IL1RAP: variants seen among roughly 807,000 people sequenced by gnomAD.
IL1RAP encodes interleukin-1 receptor accessory protein.
IL1RAP carries 35 observed loss-of-function variants against 60.7 expected under a neutral mutation model. The observed-to-expected ratio is 0.58, with a 90% CI of 0.44 to 0.76. IL1RAP has a LOEUF of 0.76. Among genes scored for constraint, IL1RAP ranks in the 30% least tolerant of loss-of-function variants. IL1RAP has a pLI of 0.00. For synonymous variants in IL1RAP, 268 were observed against 250.9 expected (o/e 1.07, Z -0.64); for missense variants, 572 against 693.9 (o/e 0.82, Z 1.97).
chr3:190,597,192 C>G (rs896589758), intron 3 of IL1RAP, among the ~76,000 whole-genome samples: 1 of 152,060 alleles, frequency 6.6e-6, no homozygotes, highest in Non-Finnish European at 1.5e-5. Flanking sequence ...ACATATTAAG[C>G]CGATGGATTG....
chr3:190,579,703 G>A (rs1350796606), intron 3 of IL1RAP, among the ~76,000 whole-genome samples: 1 of 152,000 alleles, frequency 6.6e-6, no homozygotes, highest in Non-Finnish European at 1.5e-5. Flanking sequence ...ACCCCAAAAC[G>A]AAGCCCTGAG....
chr3:190,594,686 G>A (rs1237137323), intron 3 of IL1RAP, among the ~76,000 whole-genome samples: 4 of 152,184 alleles, frequency 2.6e-5, no homozygotes, highest in Non-Finnish European at 5.9e-5. Context: ...CACTCTATTG[G>A]GAAGGGGCGT....
chr3:190,568,207 G>A (rs917813775), intron 3 of IL1RAP, among the ~76,000 whole-genome samples: 1 of 152,108 alleles, frequency 6.6e-6, no homozygotes, highest in African/African-American at 2.4e-5. Flanking sequence ...GTGCAGGGCT[G>A]GATTTCACAC....
chr3:190,627,518 C>G lies in IL1RAP; in HGVS notation c.902+69C>G. 4 of 1,477,968 alleles carry G rather than the reference C, an allele frequency of 2.7e-6. No individual in the cohort carries two copies. In the South Asian group the frequency reaches 4.3e-5, roughly 16 times the overall value. 91.6% of individuals were successfully genotyped at this position (1,477,968 alleles called of 1,614,324 possible). A position where few individuals can be genotyped will look rare whatever the true frequency, so the allele number is the denominator to read the frequency against. The stretch of plus-strand genomic sequence containing the variant: ...AACTTAATGATCTCTGATGTGTGTT[C>G]TAGTCAATGAAAATAAAAATTCTCA... On this transcript the variant is annotated intron_variant, in intron 8 of 11. Coordinates refer to ENST00000447382, the MANE Select transcript of IL1RAP (RefSeq NM_002182.4).
chr3:190,591,081 A>G (rs1338748513), intron 3 of IL1RAP, among the ~76,000 whole-genome samples: 6 of 152,208 alleles, frequency 3.9e-5, no homozygotes. Context: ...GTCACAGGTG[A>G]ATCTCCAGAG....
intron 5 of IL1RAP, among the ~76,000 whole-genome samples, chr3:190,614,386 C>T (rs966261191): frequency 4.6e-5 from 7 of 151,896 alleles, no homozygotes; most frequent in Non-Finnish European, 7.4e-5. Context: ...CACACGGCAG[C>T]GTGCTGTGTG....
At chr3:190,559,883 T>C (rs1273093968) in intron 2 of IL1RAP, among the ~76,000 whole-genome samples, 1 of 152,224 alleles carries the variant, frequency 6.6e-6, no homozygotes, top group Non-Finnish European at 1.5e-5. Context: ...GCCCGCGTTT[T>C]ATAACTGCAA....
At chr3:190,646,848 A>C (rs1734050315) in intron 11 of IL1RAP, among the ~76,000 whole-genome samples, 1 of 152,228 alleles carries the variant, frequency 6.6e-6, no homozygotes, top group Admixed American at 6.5e-5. Flanking sequence ...ATCAACCAAA[A>C]GTCCATCATA....
intron 4 of IL1RAP, among the ~76,000 whole-genome samples, chr3:190,607,573 C>G (rs1240207848): frequency 6.6e-6 from 1 of 150,516 alleles, no homozygotes; most frequent in Non-Finnish European, 1.5e-5. Context: ...AATGACAGAT[C>G]AAATTTAGAT....
At chr3:190,577,282 T>G (rs111544668) in intron 3 of IL1RAP, among the ~76,000 whole-genome samples, 1 of 152,162 alleles carries the variant, frequency 6.6e-6, no homozygotes, top group African/African-American at 2.4e-5. Flanking sequence ...AGAACTAGTG[T>G]GAAACCTTTA....
Position 190,629,454 on chromosome 3 carries a change from G to A in IL1RAP, c.1007G>A (p.Ser336Asn), listed in dbSNP as rs139016934. Reference protein sequence around the residue: ...LKRSYVCHARSAKGEVAKAAK... With the variant: ...LKRSYVCHARNAKGEVAKAAK... Reference sequence around the variant, plus strand: ...CGCAGCTATGTCTGTCATGCTAGAAGTGCCAAAGGCGAAGTTGCCAAAGCA... The same window carrying A: ...CGCAGCTATGTCTGTCATGCTAGAAATGCCAAAGGCGAAGTTGCCAAAGCA... The change falls in exon 9 of 12, where the codon AGT becomes AAT. Residue 336 changes from serine to asparagine, a missense_variant. Transcript: ENST00000447382. 6.2e-7 allele frequency: 1 copy of A among 1,613,668 alleles called. No individual in the cohort carries two copies. The highest frequency in any genetic ancestry group is 1.3e-5 in the African/African-American group (1 of 75,032).
Position 190,649,581 on chromosome 3 carries a change from G to A in IL1RAP, c.*876G>A, listed in dbSNP as rs1734270741. The A allele has an allele frequency of 1.0e-6, 1 of 985,666 alleles. No homozygotes were observed. 61.1% of individuals were successfully genotyped at this position (985,666 alleles called of 1,614,324 possible). On this transcript the variant is annotated 3_prime_UTR_variant, in exon 12 of 12. Coordinates refer to ENST00000447382, the MANE Select transcript of IL1RAP (RefSeq NM_002182.4). Reference sequence around the variant, plus strand: ...GGCATTTTTCTGACTCATGAAAAGAGCACAGAAAAGGATGTTTGGCAATTT... The same window carrying A: ...GGCATTTTTCTGACTCATGAAAAGAACACAGAAAAGGATGTTTGGCAATTT...
intron 3 of IL1RAP, among the ~76,000 whole-genome samples, chr3:190,590,502 G>A (rs1015981492): frequency 2.0e-5 from 3 of 152,038 alleles, no homozygotes; most frequent in Non-Finnish European, 4.4e-5. Context: ...CAATCTGCCC[G>A]CCTCGGCCTC....
chr3:190,523,085 CTTTG>C (rs1452854440), intron 1 of IL1RAP, among the ~76,000 whole-genome samples: 2 of 152,158 alleles, frequency 1.3e-5, no homozygotes, highest in Non-Finnish European at 2.9e-5. Context: ...CCTTGCATGA[CTTTG>C]TTTAACTTAC....
At chr3:190,641,676 T>A (rs1483445569) in intron 9 of IL1RAP, among the ~76,000 whole-genome samples, 2 of 152,210 alleles carry the variant, frequency 1.3e-5, no homozygotes, top group Non-Finnish European at 2.9e-5. Context: ...AGGCTCTCTA[T>A]TGGCATTTAA....
chr3:190,631,820 GAC>G (rs1242191170), intron 9 of IL1RAP, among the ~76,000 whole-genome samples: 7 of 151,934 alleles, frequency 4.6e-5, no homozygotes, highest in African/African-American at 1.2e-4. Context: ...TTATTTTTGA[GAC>G]ACAGTTTTAC....
At position 190,609,119 on chromosome 3, in the gene IL1RAP, A is replaced by T; in HGVS notation, c.475A>T (p.Thr159Ser). 6.2e-7 allele frequency: 1 copy of T among 1,613,104 alleles called. No individual in the cohort carries two copies. The highest frequency in any genetic ancestry group is 8.5e-7 in the Non-Finnish European group (1 of 1,179,438). Residue 159 changes from threonine to serine, a missense_variant, in exon 5 of 12, where the codon ACT (threonine) becomes TCT (serine). Coordinates refer to ENST00000447382, the MANE Select transcript of IL1RAP (RefSeq NM_002182.4). Reference protein sequence around the residue: ...LYIEYGIQRITCPNVDGYFPS... With the variant: ...LYIEYGIQRISCPNVDGYFPS... ...TATAGAATATGGCATTCAGAGGATC[A>T]CTTGTCCAAATGTAGATGGATATTT... is the stretch of plus-strand genomic sequence containing the variant.
intron 6 of IL1RAP, among the ~76,000 whole-genome samples, chr3:190,620,888 T>G (rs1174645813): frequency 6.6e-6 from 1 of 152,210 alleles, no homozygotes; most frequent in Non-Finnish European, 1.5e-5. Context: ...TTTACTTGGA[T>G]TAAGTAAACT....
intron 1 of IL1RAP, among the ~76,000 whole-genome samples, chr3:190,539,023 G>A (rs1246092197): frequency 6.6e-6 from 1 of 152,030 alleles, no homozygotes; most frequent in Admixed American, 6.6e-5. Context: ...ATATGTCTTT[G>A]TTAGCAGTGT....
Sources: allele counts gnomAD v4.1 joint callset (sites outside exome capture counted in the v4.1 genomes callset), GRCh38; gene constraint gnomAD v4.1.1; transcripts MANE v1.5; gene names NCBI Gene and HGNC (gene_info 2026-07-23, HGNC 2026-07-21).